The following SDAD1 variants were observed in gnomAD, a reference collection of about 807,000 sequenced individuals.
The protein encoded by SDAD1 is SDA1 domain containing 1, also known as protein SDA1 homolog.
In SDAD1, 79 loss-of-function variants were observed where a neutral mutation model predicts 100.3. That is an observed-to-expected ratio of 0.79 (90% confidence interval 0.66 to 0.95). The LOEUF (loss-of-function observed/expected upper bound fraction) is 0.95, where lower values mean the gene tolerates loss of function less well. Ranked by LOEUF, SDAD1 falls within the 40% of genes least tolerant of loss-of-function variation. The pLI is 0.00. For missense variants in SDAD1, 790 were observed against 810.9 expected, an observed-to-expected ratio of 0.97 and a Z score of 0.31; for synonymous variants, 267 against 271.4, an observed-to-expected ratio of 0.98 and a Z score of 0.16.
chr4:75,954,613 AT>A (rs1348102470), intron 21 of SDAD1, among the ~76,000 whole-genome samples: 3 of 152,142 alleles, frequency 2.0e-5, no homozygotes, highest in Non-Finnish European at 4.4e-5. Context: ...CCCTGAATCT[AT>A]TGCTACAGAA....
At chr4:75,967,882 A>G (rs1729637513) in intron 11 of SDAD1, among the ~76,000 whole-genome samples, 1 of 152,174 alleles carries the variant, frequency 6.6e-6, no homozygotes, top group Non-Finnish European at 1.5e-5. Context: ...AAACGTTAAC[A>G]CTCTGAAGTC....
chr4:75,958,025 T>C, intron 17 of SDAD1, 84 bp from the exon 18 acceptor site: 2 of 1,073,408 alleles, frequency 1.9e-6, no homozygotes, highest in Non-Finnish European at 2.9e-6. Flanking sequence ...AACAGAAAAG[T>C]AATGAACCTT....
chr4:75,978,883 G>A (rs1198322944), intron 3 of SDAD1, among the ~76,000 whole-genome samples: 2 of 149,912 alleles, frequency 1.3e-5, no homozygotes, highest in African/African-American at 2.4e-5. Flanking sequence ...GCACGCTGAG[G>A]TGGGAGGACT....
rs987181734 is a variant in SDAD1, at chr4:75,975,941, T to C, written c.460A>G (p.Asn154Asp). 4 of 1,606,246 alleles carry C rather than the reference T, an allele frequency of 2.5e-6. No individual in the cohort carries two copies. In the African/African-American group the frequency reaches 5.4e-5, roughly 21 times the overall value. The change falls in exon 5 of 22, where the codon AAC becomes GAC. Residue 154 changes from asparagine (N) to aspartate (D), a missense_variant. By Grantham distance (23) the Asn-to-Asp change is conservative. Coordinates refer to ENST00000356260, the MANE Select transcript of SDAD1 (RefSeq NM_018115.4). ...DIKNINAKHKNNKVNVVLQNF... is the reference protein window; with the variant it reads ...DIKNINAKHKDNKVNVVLQNF... ...GTACTTACTACATTCACTTTATTGT[T>C]CTTGTGTTTTGCATTTATATTCTTG...
chr4:75,964,908 G>A (rs1427484208), intron 13 of SDAD1, among the ~76,000 whole-genome samples: 1 of 152,084 alleles, frequency 6.6e-6, no homozygotes, highest in African/African-American at 2.4e-5. Context: ...CATAAACTGA[G>A]GATGTATGTA....
chr4:75,950,487 CAATG>C lies in SDAD1; in HGVS notation c.*259_*262del. ...CTCATTCGTTTTGCATCTACAGTGA[CAATG>C]AATAGGCACTCAATACATACTTTTT... On this transcript the variant is annotated 3_prime_UTR_variant, in exon 22 of 22. Transcript: ENST00000356260. The C allele has an allele frequency of 2.7e-6, 1 of 374,522 alleles. No homozygotes were observed. Among genetic ancestry groups the C allele is most frequent in the Non-Finnish European group, 5.0e-6 (1 of 200,032 alleles). The allele number at this position is 374,522 out of a possible 1,614,324, so 23.2% of individuals were successfully genotyped here.
chr4:75,954,102 G>A (rs1360513789), intron 21 of SDAD1, among the ~76,000 whole-genome samples: 1 of 151,956 alleles, frequency 6.6e-6, no homozygotes, highest in Non-Finnish European at 1.5e-5. Flanking sequence ...CCTGGGGCCA[G>A]GCGCGGTAGT....
rs1468349718 is a variant in SDAD1 at position 75,981,960 on chromosome 4, T to C, written c.168A>G (p.Leu56=). ...KLQPNKPSKE[L]AELVMFMAQI... ...GTGCCATAAACATCACCAGCTCTGC[T>C]AGTTCTTTGCTGGGTTTATTTGGTT... is the stretch of plus-strand genomic sequence containing the variant. Residue 56 remains leucine (L), a synonymous_variant, in exon 2 of 22, where the codon CTA becomes CTG. Transcript: ENST00000356260. The C allele has an allele frequency of 9.3e-6, 15 of 1,610,784 alleles. No individual in the cohort carries two copies. Among genetic ancestry groups the C allele is most frequent in the East Asian group, 2.2e-5 (1 of 44,820 alleles).
At chr4:75,972,526 T>C (rs1729926124) in intron 8 of SDAD1, among the ~76,000 whole-genome samples, 1 of 151,888 alleles carries the variant, frequency 6.6e-6, no homozygotes, top group Non-Finnish European at 1.5e-5. Context: ...TTTTAGAGAG[T>C]TTCTCTCTTT....
chr4:75,981,925 AT>A lies in SDAD1; in HGVS notation c.195+7del. 1 of 1,582,618 alleles carries A rather than the reference AT, an allele frequency of 6.3e-7. No homozygotes were observed. Among genetic ancestry groups the A allele is most frequent in the Non-Finnish European group, 8.6e-7 (1 of 1,156,832 alleles). On this transcript the variant is annotated splice_region_variant and intron_variant, in intron 2 of 21. Transcript: ENST00000356260. ...TACTGGTCTTTATTTAAGCAATTAT[AT>A]TCTTACCTGTGCCATAAACATCACC...
intron 13 of SDAD1, among the ~76,000 whole-genome samples, chr4:75,965,280 G>A (rs959928241): frequency 2.6e-5 from 4 of 152,116 alleles, no homozygotes; most frequent in Non-Finnish European, 4.4e-5. Context: ...GGAAATTCCC[G>A]CCTAATAAAT....
chr4:75,974,053 C>T (rs201963963), intron 7 of SDAD1, 23 bp downstream of exon 7: 10 of 1,606,578 alleles, frequency 6.2e-6, no homozygotes, highest in Non-Finnish European at 8.5e-6. Context: ...ACAGAGCTTA[C>T]ACACAGCCCT....
intron 1 of SDAD1, among the ~76,000 whole-genome samples, chr4:75,984,778 AACACACACACACACAC>A (rs35320227): frequency 7.3e-6 from 1 of 136,928 alleles, no homozygotes; most frequent in African/African-American, 2.7e-5. Context: ...CACACACACA[AACACACACACACACAC>A]ACACACACAC....
Position 75,950,809 on chromosome 4 carries a change from A to G in SDAD1, c.2017-12T>C, listed in dbSNP as rs754015007. On this transcript the variant is annotated splice_polypyrimidine_tract_variant and intron_variant, in intron 21 of 21. Transcript: ENST00000356260. ...TCTCGTAGTGCCAACTGTAAGATAA[A>G]AAAGTATTGAAACATGATAACTCTT... 9.6e-6 allele frequency: 15 copies of G among 1,565,996 alleles called. No individual in the cohort carries two copies. In the South Asian group the frequency reaches 1.3e-4, roughly 13 times the overall value.
At chr4:75,983,856 C>T (rs1730703499) in intron 1 of SDAD1, among the ~76,000 whole-genome samples, 3 of 152,056 alleles carry the variant, frequency 2.0e-5, no homozygotes, top group Admixed American at 2.0e-4. Flanking sequence ...GTCATTAAGT[C>T]TTGCCCGGGC....
At chr4:75,977,569 C>A (rs1303793980) in intron 4 of SDAD1, 77 bp downstream of exon 4, 2 of 881,556 alleles carry the variant, frequency 2.3e-6, no homozygotes, top group Non-Finnish European at 1.9e-6. Context: ...CAATGTAAAG[C>A]ATCGATAATT....
In SDAD1 at chr4:75,964,155, A is replaced by C. The variant is rs752872972; in HGVS notation, c.1161T>G (p.Ser387=). 3 of 1,610,566 alleles carry C rather than the reference A, an allele frequency of 1.9e-6. No individual in the cohort carries two copies. The highest frequency in any genetic ancestry group is 2.5e-6 in the Non-Finnish European group (3 of 1,178,382). ...VANNFVTDKN[S]GEVMTVGINA... ...CATACCCTACTGTCATGACTTCTCC[A>C]GAGTTCTTGTCGGTAACAAAATTGT... is the stretch of plus-strand genomic sequence containing the variant. The change falls in exon 14 of 22, where the codon TCT becomes TCG. Residue 387 remains serine, a synonymous_variant. Coordinates refer to ENST00000356260, the MANE Select transcript of SDAD1 (RefSeq NM_018115.4).
intron 11 of SDAD1, among the ~76,000 whole-genome samples, chr4:75,968,828 G>C (rs2149318712): frequency 6.6e-6 from 1 of 152,082 alleles, no homozygotes; most frequent in Middle Eastern, 3.4e-3. Flanking sequence ...TCAGGAGTTT[G>C]AGACCAGCCT....
At chr4:75,966,312 ACT>A (rs1553918832) in intron 12 of SDAD1, among the ~76,000 whole-genome samples, 25 of 136,026 alleles carry the variant, frequency 1.8e-4, no homozygotes, top group African/African-American at 2.2e-4. Flanking sequence ...ACACACACAC[ACT>A]GTCTCTTTTC....
Sources: allele counts gnomAD v4.1 joint callset (sites outside exome capture counted in the v4.1 genomes callset), GRCh38; gene constraint gnomAD v4.1.1; transcripts MANE v1.5; gene names NCBI Gene and HGNC (gene_info 2026-07-23, HGNC 2026-07-21).